Variants in MDN1 observed in about 807,000 individuals in gnomAD.
MDN1 encodes the protein midasin AAA ATPase 1, also known as midasin.
A neutral mutation model predicts 669.2 loss-of-function variants in MDN1; 266 were observed. The ratio of observed to expected loss-of-function variants is 0.40; its 90% CI spans 0.36 to 0.44. MDN1 has a LOEUF of 0.44. Among genes scored for constraint, MDN1 ranks in the 20% least tolerant of loss-of-function variants. The pLI is 1.00. For missense variants in MDN1, 5,940 were observed against 6,754.0 expected (o/e 0.88, Z 4.22); for synonymous variants, 2,385 against 2,457.1 (o/e 0.97, Z 0.87).
intron 2 of MDN1, among the ~76,000 whole-genome samples, chr6:89,798,471 C>T (rs533076515): frequency 3.3e-5 from 5 of 151,342 alleles, no homozygotes; most frequent in South Asian, 4.2e-4. Context: ...CACTGCATTC[C>T]GGCCCGGGCA....
At chr6:89,737,648 T>G (rs151062728) in intron 33 of MDN1, among the ~76,000 whole-genome samples, 96 of 152,126 alleles carry the variant, frequency 6.3e-4, no homozygotes, top group African/African-American at 2.2e-3. Context: ...ATAATAAAAA[T>G]TATTTAATTA....
At position 89,756,354 on chromosome 6, in the gene MDN1, T is replaced by C. The variant is rs1285454841; in HGVS notation, c.2739A>G (p.Lys913=). The change falls in exon 20 of 102, where the codon AAA becomes AAG. Residue 913 remains lysine (K), a synonymous_variant. Transcript: ENST00000369393. ...CTACAATAAGAACCTGTAAGTCTTC[T>C]TTGCTTTCTAATTCTTCTACATAAA... is the stretch of plus-strand genomic sequence containing the variant. The part of the protein sequence containing the change: ...TELYVEELES[K]EDLQVLIVDY... 1 of 1,599,720 alleles carries C rather than the reference T, an allele frequency of 6.3e-7. No individual in the cohort carries two copies. The highest frequency in any genetic ancestry group is 1.1e-5 in the South Asian group (1 of 88,732).
At chr6:89,687,459 T>A (rs757048658) in intron 67 of MDN1, 21 bp from the exon 68 acceptor site, 1 of 1,601,024 alleles carries the variant, frequency 6.2e-7, no homozygotes, top group African/African-American at 1.3e-5. Flanking sequence ...AAAGATAAAA[T>A]TTACTACAGA....
At chr6:89,670,170 A>ATATATATATATATATATTTTTT (rs1444537561) in intron 83 of MDN1, among the ~76,000 whole-genome samples, 1 of 23,412 alleles carries the variant, frequency 4.3e-5, no homozygotes, top group Non-Finnish European at 6.1e-5. Context: ...ATATATATAT[A>ATATATATATATATATATTTTTT]TTTTTTTTTT....
intron 2 of MDN1, among the ~76,000 whole-genome samples, chr6:89,795,428 C>A (rs571889632): frequency 6.6e-6 from 1 of 152,024 alleles, no homozygotes; most frequent in South Asian, 2.1e-4. Flanking sequence ...CATAGTGAGA[C>A]CTTGTTCCTA....
intron 2 of MDN1, among the ~76,000 whole-genome samples, chr6:89,798,410 G>A (rs1480513041): frequency 9.2e-5 from 14 of 151,896 alleles, no homozygotes; most frequent in Non-Finnish European, 1.6e-4. Flanking sequence ...GCTGAGGCAG[G>A]AGAATCACTT....
chr6:89,687,348 G>A lies in MDN1; in HGVS notation c.11446C>T (p.Leu3816=). The change falls in exon 68 of 102, where the codon CTG becomes TTG. Residue 3816 remains leucine (L), a synonymous_variant. Transcript: ENST00000369393. ...GAGGGAAGGAGAGTCACTTACTTCA[G>A]CTCCAGTTTACGCCACCGAATGATC... The part of the protein sequence containing the change: ...QMIIRWRKLE[L]NCWSMSLDNT... 6.2e-7 allele frequency: 1 copy of A among 1,613,656 alleles called. No individual in the cohort carries two copies. Among genetic ancestry groups the A allele is most frequent in the Non-Finnish European group, 8.5e-7 (1 of 1,179,678 alleles).
chr6:89,710,579 T>C (rs1226526350), intron 50 of MDN1, 102 bp downstream of exon 50: 1 of 531,968 alleles, frequency 1.9e-6, no homozygotes. Context: ...TTCTAAAAAA[T>C]ACCGTTATGT....
chr6:89,689,379 A>C (rs190576396), intron 65 of MDN1, among the ~76,000 whole-genome samples: 1 of 152,360 alleles, frequency 6.6e-6, no homozygotes, highest in Admixed American at 6.5e-5. Context: ...TTCTAGGTAA[A>C]CAGAAAGGAA....
At chr6:89,769,828 T>C (rs1817992195) in intron 15 of MDN1, among the ~76,000 whole-genome samples, 1 of 152,118 alleles carries the variant, frequency 6.6e-6, no homozygotes, top group African/African-American at 2.4e-5. Flanking sequence ...ACACTACAAA[T>C]TCACAGTAGA....
chr6:89,711,520 G>A (rs550325697), intron 49 of MDN1, among the ~76,000 whole-genome samples: 58 of 152,164 alleles, frequency 3.8e-4, no homozygotes, highest in African/African-American at 1.4e-3. Flanking sequence ...TTATATAAGG[G>A]GCCTTAGCGT....
At chr6:89,719,718 T>C (rs1321228511) in intron 40 of MDN1, among the ~76,000 whole-genome samples, 1 of 152,226 alleles carries the variant, frequency 6.6e-6, no homozygotes, top group Non-Finnish European at 1.5e-5. Context: ...CCATTTTATA[T>C]AGACAACAGC....
chr6:89,670,860 T>G (rs1810703532), intron 83 of MDN1, 59 bp downstream of exon 83: 1 of 1,547,170 alleles, frequency 6.5e-7, no homozygotes, highest in African/African-American at 1.4e-5. Flanking sequence ...CAAAGACTAA[T>G]GACATGAAAT....
intron 19 of MDN1, 24 bp from the exon 20 acceptor site, chr6:89,756,414 A>C: frequency 8.8e-7 from 1 of 1,137,496 alleles, no homozygotes; most frequent in African/African-American, 1.6e-5. Context: ...CATAATAAAC[A>C]CTTTTTAGGA....
At chr6:89,650,219 A>C (rs1379999343) in intron 96 of MDN1, 21 bp from the exon 97 acceptor site, 1 of 1,597,726 alleles carries the variant, frequency 6.3e-7, no homozygotes, top group African/African-American at 1.4e-5. Context: ...AAATGGGGGC[A>C]AAAATTAGTT....
rs1190300087 is a variant in MDN1, at chr6:89,712,799, A to C, written c.7219-13T>G. The C allele has an allele frequency of 6.2e-7, 1 of 1,609,508 alleles. No individual in the cohort carries two copies. Among genetic ancestry groups the C allele is most frequent in the Non-Finnish European group, 8.5e-7 (1 of 1,175,950 alleles). ...AAGCCTGTACAAGCTGGTAGGAGAC[A>C]AAAACACAATACAGTGGTACCAACA... On this transcript the variant is annotated splice_polypyrimidine_tract_variant and intron_variant, in intron 47 of 101. Transcript: ENST00000369393.
intron 19 of MDN1, among the ~76,000 whole-genome samples, chr6:89,756,899 C>T (rs540238927): frequency 6.8e-6 from 1 of 146,308 alleles, no homozygotes; most frequent in Non-Finnish European, 1.5e-5. Flanking sequence ...CCAGCCTGGG[C>T]GACAGAGGGA....
chr6:89,688,500 G>T, intron 66 of MDN1, 73 bp downstream of exon 66: 1 of 1,396,470 alleles, frequency 7.2e-7, no homozygotes, highest in Non-Finnish European at 9.9e-7. Flanking sequence ...GGTGCCCCCA[G>T]GGATAATGGT....
intron 15 of MDN1, among the ~76,000 whole-genome samples, chr6:89,763,220 TTTAC>T (rs1223163933): frequency 6.6e-6 from 1 of 151,878 alleles, no homozygotes; most frequent in African/African-American, 2.4e-5. Context: ...CTGAAATTGA[TTTAC>T]TTATGTAAAT....
Sources: allele counts gnomAD v4.1 joint callset (sites outside exome capture counted in the v4.1 genomes callset), GRCh38; gene constraint gnomAD v4.1.1; transcripts MANE v1.5; gene names NCBI Gene and HGNC (gene_info 2026-07-23, HGNC 2026-07-21).